Variants in LEKR1 observed in about 807,000 individuals in gnomAD.
LEKR1 encodes the protein leucine, glutamate and lysine rich 1.
A neutral mutation model predicts 72.4 loss-of-function variants in LEKR1; 59 were observed. That is an observed-to-expected ratio of 0.82 (90% confidence interval 0.66 to 1.01). LEKR1 has a LOEUF of 1.01. Ranked by LOEUF, LEKR1 falls within the 50% of genes least tolerant of loss-of-function variation. The probability of loss-of-function intolerance (pLI) is 0.00; values close to 1 mark genes in which losing one functional copy is unlikely to be tolerated. For missense variants in LEKR1, 728 were observed against 759.2 expected (o/e 0.96, Z 0.48); for synonymous variants, 257 against 263.2 (o/e 0.98, Z 0.23).
intron 3 of LEKR1, among the ~76,000 whole-genome samples, chr3:156,873,678 A>G (rs191112726): frequency 7.4e-4 from 113 of 152,100 alleles, no homozygotes; most frequent in African/African-American, 2.4e-3. Context: ...TGTAGAACCA[A>G]TCTAGTGGTG....
intron 6 of LEKR1, among the ~76,000 whole-genome samples, chr3:156,975,002 T>C (rs1220506282): frequency 6.6e-6 from 1 of 152,158 alleles, no homozygotes; most frequent in Admixed American, 6.6e-5. Flanking sequence ...CCAATGATAA[T>C]AGCTAACATG....
At chr3:156,938,244 A>G (rs1178588896) in intron 5 of LEKR1, among the ~76,000 whole-genome samples, 1 of 152,218 alleles carries the variant, frequency 6.6e-6, no homozygotes, top group Admixed American at 6.5e-5. Flanking sequence ...ATAGTGTGCT[A>G]CAGTTACACA....
chr3:156,891,320 C>T (rs1347644973), intron 3 of LEKR1, among the ~76,000 whole-genome samples: 3 of 152,150 alleles, frequency 2.0e-5, no homozygotes, highest in Admixed American at 6.6e-5. Flanking sequence ...AAAGCATGTG[C>T]ATTTGCCTTT....
intron 7 of LEKR1, among the ~76,000 whole-genome samples, chr3:156,989,300 T>C (rs1730965461): frequency 1.3e-5 from 2 of 152,234 alleles, no homozygotes; most frequent in African/African-American, 4.8e-5. Flanking sequence ...GTTTTTTATT[T>C]GTATAAGTAA....
chr3:156,926,728 T>C (rs1317890689), intron 4 of LEKR1, among the ~76,000 whole-genome samples: 1 of 151,994 alleles, frequency 6.6e-6, no homozygotes, highest in Non-Finnish European at 1.5e-5. Context: ...CTGTGCTAGA[T>C]GCTAGAGAGA....
chr3:156,973,961 C>A (rs1729469251), intron 6 of LEKR1, among the ~76,000 whole-genome samples: 1 of 152,116 alleles, frequency 6.6e-6, no homozygotes. Context: ...ATTTTGGGAA[C>A]CATTTGGCAG....
chr3:156,900,107 G>A (rs1026395247), intron 3 of LEKR1, among the ~76,000 whole-genome samples: 1 of 151,988 alleles, frequency 6.6e-6, no homozygotes, highest in African/African-American at 2.4e-5. Context: ...ACAGACTGGT[G>A]GGGGGAACTA....
chr3:156,996,246 C>G (rs1251133154), intron 9 of LEKR1, among the ~76,000 whole-genome samples: 2 of 152,044 alleles, frequency 1.3e-5, no homozygotes, highest in East Asian at 3.8e-4. Context: ...GAGGTGCCTG[C>G]TTTGGCTAGG....
At chr3:156,909,416 C>G (rs974579347) in intron 3 of LEKR1, among the ~76,000 whole-genome samples, 8 of 151,854 alleles carry the variant, frequency 5.3e-5, no homozygotes, top group African/African-American at 1.5e-4. Context: ...CTTTGGGAGG[C>G]CAAGGAGGGC....
At chr3:157,042,698 A>G (rs567911066) in intron 12 of LEKR1, among the ~76,000 whole-genome samples, 41 of 152,326 alleles carry the variant, frequency 2.7e-4, no homozygotes, top group African/African-American at 5.5e-4. Flanking sequence ...TCTTTTAAGA[A>G]GAGCTCTTGT....
chr3:156,927,506 G>C lies in LEKR1; in HGVS notation c.461G>C (p.Ser154Thr). ...ACTTTTACTAAAAGGGAACTAACCA[G>C]TATTAAAAATGAAGTATATGATAAT... is the stretch of plus-strand genomic sequence containing the variant. ...LLTFTKRELT[S>T]IKNEVYDNYQ... Residue 154 changes from serine to threonine, a missense_variant, in exon 5 of 13, where the codon AGT becomes ACT. Transcript: ENST00000356539. 38 of 1,199,360 alleles carry C rather than the reference G, an allele frequency of 3.2e-5. No individual in the cohort carries two copies. The highest frequency in any genetic ancestry group is 4.1e-5 in the Non-Finnish European group (38 of 936,706). The allele number at this position is 1,199,360 out of a possible 1,614,324, so 74.3% of individuals were successfully genotyped here. A position where few individuals can be genotyped will look rare whatever the true frequency, so the allele number is the denominator to read the frequency against.
chr3:156,975,228 A>G (rs1392786385), intron 6 of LEKR1, among the ~76,000 whole-genome samples: 1 of 152,090 alleles, frequency 6.6e-6, no homozygotes, highest in East Asian at 1.9e-4. Flanking sequence ...GTCACAGACA[A>G]GTGTTGAGTT....
At chr3:156,955,934 A>C (rs1243235587) in intron 6 of LEKR1, among the ~76,000 whole-genome samples, 2 of 147,464 alleles carry the variant, frequency 1.4e-5, no homozygotes, top group South Asian at 2.2e-4. Flanking sequence ...TGTTGGGAAA[A>C]GGATGTTCAT....
chr3:156,967,563 G>T (rs1728746768), intron 6 of LEKR1, among the ~76,000 whole-genome samples: 1 of 152,144 alleles, frequency 6.6e-6, no homozygotes, highest in Non-Finnish European at 1.5e-5. Context: ...AGCAAGAAGA[G>T]AAGTTTAGAG....
chr3:156,984,255 A>G (rs1730484748), intron 7 of LEKR1, among the ~76,000 whole-genome samples: 1 of 152,006 alleles, frequency 6.6e-6, no homozygotes, highest in South Asian at 2.1e-4. Flanking sequence ...TTCTTATCTC[A>G]CTCTATTATA....
chr3:156,977,553 C>A, intron 6 of LEKR1: 3 of 345,254 alleles, frequency 8.7e-6, no homozygotes, highest in South Asian at 3.0e-5. Context: ...GTGGATAACT[C>A]AAAGGAAGCA....
At chr3:156,847,476 C>T (rs1298642091) in intron 2 of LEKR1, among the ~76,000 whole-genome samples, 1 of 152,038 alleles carries the variant, frequency 6.6e-6, no homozygotes, top group East Asian at 1.9e-4. Context: ...GATATAATAC[C>T]AAGTTATAAG....
intron 6 of LEKR1, chr3:156,977,892 A>C (rs895987626): frequency 5.7e-6 from 1 of 174,106 alleles, no homozygotes; most frequent in African/African-American, 2.4e-5. Flanking sequence ...TCCCACCATT[A>C]TCTATCACAC....
At chr3:156,945,751 G>A (rs796104069) in intron 6 of LEKR1, among the ~76,000 whole-genome samples, 1 of 151,518 alleles carries the variant, frequency 6.6e-6, no homozygotes, top group African/African-American at 2.4e-5. Flanking sequence ...TCAAAAATTA[G>A]TTCACTGTAG....
Sources: gnomAD v4.1 joint callset for allele counts (sites outside exome capture counted in the v4.1 genomes callset) on GRCh38, gnomAD v4.1.1 for gene constraint, MANE v1.5 for transcripts, NCBI Gene and HGNC (gene_info 2026-07-23, HGNC 2026-07-21) for gene names.